PAIP1: variants seen among roughly 807,000 people sequenced by gnomAD.
The protein encoded by PAIP1 is polyadenylate-binding protein-interacting protein 1.
In PAIP1, 16 loss-of-function variants were observed where a neutral mutation model predicts 61.3. The ratio of observed to expected loss-of-function variants is 0.26; its 90% CI spans 0.18 to 0.40. The LOEUF (loss-of-function observed/expected upper bound fraction) is 0.40, where lower values mean the gene tolerates loss of function less well. PAIP1 is among the 10% of genes least tolerant of loss of function. The probability of loss-of-function intolerance (pLI) is 1.00; values close to 1 mark genes in which losing one functional copy is unlikely to be tolerated. For missense variants in PAIP1, 416 were observed against 600.9 expected (o/e 0.69, Z 3.22); for synonymous variants, 187 against 226.2 (o/e 0.83, Z 1.56).
chr5:43,556,959 A>C lies in PAIP1; in HGVS notation c.-113T>G. 1 of 1,254,636 alleles carries C rather than the reference A, an allele frequency of 8.0e-7. No homozygotes were observed. Among genetic ancestry groups the C allele is most frequent in the Non-Finnish European group, 1.0e-6 (1 of 998,048 alleles). The allele number at this position is 1,254,636 out of a possible 1,614,324, so 77.7% of individuals were successfully genotyped here. A position where few individuals can be genotyped will look rare whatever the true frequency, so the allele number is the denominator to read the frequency against. The stretch of plus-strand genomic sequence containing the variant: ...AGCCGCCGCGCCTCACTCGGGCCTC[A>C]TGGAGGAGGAGGGCGGCGGGCCCCG... On this transcript the variant is annotated 5_prime_UTR_variant, in exon 1 of 11. An upstream start codon of the reference 5' UTR is lost. Transcript: ENST00000306846.
intron 3 of PAIP1, among the ~76,000 whole-genome samples, chr5:43,546,619 G>A (rs564676182): frequency 6.6e-6 from 1 of 152,256 alleles, no homozygotes; most frequent in African/African-American, 2.4e-5. Flanking sequence ...AGTTGCTCTT[G>A]TAACAGTGAC....
intron 2 of PAIP1, among the ~76,000 whole-genome samples, chr5:43,549,695 T>C (rs1747788618): frequency 6.6e-6 from 1 of 152,038 alleles, no homozygotes; most frequent in Non-Finnish European, 1.5e-5. Context: ...GGAGGTCATG[T>C]TTTACACTTT....
chr5:43,537,401 T>C (rs1454024890), intron 5 of PAIP1, among the ~76,000 whole-genome samples: 2 of 152,190 alleles, frequency 1.3e-5, no homozygotes, highest in East Asian at 1.9e-4. Context: ...TATCTCCATA[T>C]AGAAAATGCT....
At chr5:43,535,966 C>A (rs1579910800) in intron 6 of PAIP1, among the ~76,000 whole-genome samples, 2 of 132,060 alleles carry the variant, frequency 1.5e-5, no homozygotes, top group South Asian at 2.6e-4. Flanking sequence ...CAGCAAGCAA[C>A]AAGTATAGAA....
At chr5:43,547,261 T>C (rs1218356621) in intron 3 of PAIP1, among the ~76,000 whole-genome samples, 1 of 152,100 alleles carries the variant, frequency 6.6e-6, no homozygotes, top group East Asian at 1.9e-4. Context: ...AAAGACCTAC[T>C]TATGAGGCAA....
Position 43,556,793 on chromosome 5 carries a change from G to T in PAIP1, c.54C>A (p.Gly18=). Residue 18 remains glycine (G), a synonymous_variant, in exon 1 of 11, where the codon GGC becomes GGA. Transcript: ENST00000306846. ...APGAGRGRSR[G]LGRGGGGPEG... ...CAGGCCCGCCCCCTCCGCGGCCCAG[G>T]CCCCGGCTCCGGCCCCGACCAGCAC... is the stretch of plus-strand genomic sequence containing the variant. 1.4e-6 allele frequency: 2 copies of T among 1,452,440 alleles called. No individual in the cohort carries two copies. The highest frequency in any genetic ancestry group is 9.0e-7 in the Non-Finnish European group (1 of 1,105,784). 90.0% of individuals were successfully genotyped at this position (1,452,440 alleles called of 1,614,324 possible).
chr5:43,556,125 T>G (rs1406239158), intron 1 of PAIP1, 126 bp from the exon 2 acceptor site: 1 of 1,445,316 alleles, frequency 6.9e-7, no homozygotes, highest in East Asian at 2.3e-5. Context: ...TCATGAAATT[T>G]ATGGTTATCG....
At position 43,554,229 on chromosome 5, in the gene PAIP1, C is replaced by T. The variant is rs143084041; in HGVS notation, c.435+1601G>A. Among the ~76,000 whole-genome samples the T allele has an allele frequency of 8.5e-4, 130 of 152,284 alleles. 1 individual carries two copies. The highest frequency in any genetic ancestry group is 3.0e-3 in the African/African-American group (124 of 41,554). On this transcript the variant is annotated intron_variant, in intron 2 of 10. Transcript: ENST00000306846. ...TACATACACAAACACACCCCTGTAT[C>T]CCTCCATCATAAAACAGCCCAAGTC...
At chr5:43,553,014 C>T (rs965757088) in intron 2 of PAIP1, among the ~76,000 whole-genome samples, 1 of 151,962 alleles carries the variant, frequency 6.6e-6, no homozygotes, top group Non-Finnish European at 1.5e-5. Flanking sequence ...CAAGGCAGAA[C>T]AAAAACTGGG....
chr5:43,527,998 T>G (rs1214144065), intron 10 of PAIP1, among the ~76,000 whole-genome samples: 2 of 152,200 alleles, frequency 1.3e-5, no homozygotes, highest in Non-Finnish European at 2.9e-5. Context: ...CACAGGAAGC[T>G]ACTTTTGAGA....
At chr5:43,555,796 T>C (rs1479852915) in intron 2 of PAIP1, 34 bp downstream of exon 2, 1 of 1,538,860 alleles carries the variant, frequency 6.5e-7, no homozygotes, top group Non-Finnish European at 8.8e-7. Flanking sequence ...TCCAGTAAAT[T>C]AACCCAGAGT....
intron 2 of PAIP1, among the ~76,000 whole-genome samples, 188 bp from the exon 3 acceptor site, chr5:43,548,101 C>T (rs1030478111): frequency 3.9e-5 from 6 of 152,172 alleles, no homozygotes; most frequent in Admixed American, 3.3e-4. Flanking sequence ...TAATTAACAG[C>T]AGAAAGGTTC....
chr5:43,556,884 C>A lies in PAIP1; in HGVS notation c.-38G>T. 7.3e-7 allele frequency: 1 copy of A among 1,363,556 alleles called. No homozygotes were observed. Among genetic ancestry groups the A allele is most frequent in the Non-Finnish European group, 9.4e-7 (1 of 1,062,000 alleles). 84.5% of individuals were successfully genotyped at this position (1,363,556 alleles called of 1,614,324 possible). ...CCGCCTCCTCCTCCAGGGGCCGCTG[C>A]CGCTGCGCTCGCGATAGGACGCGGG... On this transcript the variant is annotated 5_prime_UTR_variant, in exon 1 of 11. Transcript: ENST00000306846.
In PAIP1 at chr5:43,556,927, C is replaced by T. The variant is rs1011835420; in HGVS notation, c.-81G>A. ...GACGCGGGGGGAAGGCGCCGCGGGT[C>T]GGCTATAGCCGCCGCGCCTCACTCG... On this transcript the variant is annotated 5_prime_UTR_variant, in exon 1 of 11. Transcript: ENST00000306846. 1.5e-5 allele frequency: 19 copies of T among 1,291,692 alleles called. No individual in the cohort carries two copies. The East Asian group carries it at 4.1e-4, about 28-fold the overall frequency. The allele number at this position is 1,291,692 out of a possible 1,614,324, so 80.0% of individuals were successfully genotyped here. A position where few individuals can be genotyped will look rare whatever the true frequency, so the allele number is the denominator to read the frequency against.
intron 7 of PAIP1, among the ~76,000 whole-genome samples, chr5:43,535,222 T>C (rs1175869064): frequency 6.6e-6 from 1 of 152,222 alleles, no homozygotes; most frequent in African/African-American, 2.4e-5. Context: ...TGTCCTACTA[T>C]ACTTACAGTA....
intron 1 of PAIP1, 64 bp downstream of exon 1, chr5:43,556,518 C>A (rs1447315664): frequency 8.1e-7 from 1 of 1,227,444 alleles, no homozygotes; most frequent in Non-Finnish European, 1.0e-6. Flanking sequence ...GGCCTCGGCA[C>A]GCGTGGAGGG....
chr5:43,531,655 T>A (rs1199619577), intron 9 of PAIP1, among the ~76,000 whole-genome samples: 1 of 7,946 alleles, frequency 1.3e-4, no homozygotes, highest in Non-Finnish European at 3.3e-4. Context: ...AGACTCTGTC[T>A]CAAAAAAAAA....
At chr5:43,536,613 G>A (rs1263486106) in intron 6 of PAIP1, among the ~76,000 whole-genome samples, 1 of 152,070 alleles carries the variant, frequency 6.6e-6, no homozygotes, top group African/African-American at 2.4e-5. Context: ...ATGGCGTAAA[G>A]GACTTCCATT....
intron 2 of PAIP1, among the ~76,000 whole-genome samples, chr5:43,552,212 T>C (rs919318136): frequency 6.6e-5 from 10 of 152,182 alleles, no homozygotes; most frequent in Non-Finnish European, 1.3e-4. Context: ...GCTAGCTGGA[T>C]TGAATTAAGG....
Sources: allele counts gnomAD v4.1 joint callset (sites outside exome capture counted in the v4.1 genomes callset), GRCh38; gene constraint gnomAD v4.1.1; transcripts MANE v1.5; gene names NCBI Gene and HGNC (gene_info 2026-07-23, HGNC 2026-07-21).